The following CTNNA3 variants were observed in gnomAD, a reference collection of about 807,000 sequenced individuals.
CTNNA3 encodes catenin alpha-3.
Under a neutral mutation model 95.7 loss-of-function variants are expected in CTNNA3, and 76 were observed. The ratio of observed to expected loss-of-function variants is 0.79; its 90% confidence interval spans 0.66 to 0.96. CTNNA3 has a LOEUF of 0.96. Among genes scored for constraint, CTNNA3 ranks in the 40% least tolerant of loss-of-function variants. The pLI, the probability that CTNNA3 is intolerant of heterozygous loss-of-function variation, is 0.00. For synonymous variants in CTNNA3, 431 were observed against 374.4 expected (o/e 1.15, Z -1.74); for missense variants, 1,191 against 1,089.8 (o/e 1.09, Z -1.31).
At chr10:66,716,050 C>T (rs1848438920) in intron 9 of CTNNA3, among the ~76,000 whole-genome samples, 1 of 152,052 alleles carries the variant, frequency 6.6e-6, no homozygotes, top group Non-Finnish European at 1.5e-5. Flanking sequence ...AATTTTGTCT[C>T]ATTTAACATT....
rs1290522661 is a variant in CTNNA3 at position 66,620,610 on chromosome 10, ACTT to A, written c.1374+1079_1374+1081del. Among the ~76,000 whole-genome samples the A allele has an allele frequency of 2.0e-5, 3 of 152,244 alleles. No individual in the cohort carries two copies. The East Asian group carries it at 5.8e-4, about 29-fold the overall frequency. On this transcript the variant is annotated intron_variant, in intron 10 of 17. Coordinates refer to ENST00000433211, the MANE Select transcript of CTNNA3 (RefSeq NM_013266.4). ...TGATGGGAGTATATTTCATTCAACTACTTTAGAGACCTCATTGCAGTATTCTGT... is the reference window on the plus strand; with the variant it reads ...TGATGGGAGTATATTTCATTCAACTATAGAGACCTCATTGCAGTATTCTGT...
At chr10:67,599,510 G>C (rs1050017091) in intron 3 of CTNNA3, among the ~76,000 whole-genome samples, 22 of 152,008 alleles carry the variant, frequency 1.4e-4, no homozygotes, top group Non-Finnish European at 5.9e-5. Context: ...TGGATGAATA[G>C]ATAGGACATT....
Position 66,687,972 on chromosome 10 carries a change from GAAGA to G in CTNNA3, c.1282-66192_1282-66189del, listed in dbSNP as rs1350934765. On this transcript the variant is annotated intron_variant, in intron 9 of 17. Transcript: ENST00000433211. Reference sequence around the variant, plus strand: ...GATTTTAGATTTGCTGAGCTTGGAAGAAGAAAGGAAGAGAGATTGTGTCAAACAC... The same window carrying G: ...GATTTTAGATTTGCTGAGCTTGGAAGAAGGAAGAGAGATTGTGTCAAACAC... Among the ~76,000 whole-genome samples, 15 of 152,116 alleles carry G rather than the reference GAAGA, an allele frequency of 9.9e-5. 1 individual carries two copies. Among genetic ancestry groups the G allele is most frequent in the Non-Finnish European group, 2.1e-4 (14 of 68,022 alleles).
chr10:67,639,600 A>T (rs1428343249), intron 2 of CTNNA3, among the ~76,000 whole-genome samples: 3 of 151,926 alleles, frequency 2.0e-5, no homozygotes, highest in Non-Finnish European at 2.9e-5. Context: ...CGATGCAAAA[A>T]TCCTCAATAA....
At chr10:67,726,349 G>C (rs1212285177) in intron 1 of CTNNA3, among the ~76,000 whole-genome samples, 3 of 41,152 alleles carry the variant, frequency 7.3e-5, no homozygotes, top group Non-Finnish European at 1.1e-4. Flanking sequence ...TATAATATAT[G>C]ATATATATGA....
Position 66,742,951 on chromosome 10 carries a change from C to T in CTNNA3, c.1281+23313G>A, listed in dbSNP as rs1849376633. 2.0e-5 allele frequency among the ~76,000 whole-genome samples: 3 copies of T among 152,238 alleles called. No homozygotes were observed. In the East Asian group the frequency reaches 5.8e-4, roughly 29 times the overall value. ...CATCATTTCCTCTGCCCCTGGTTTT[C>T]TACCGTTTATACATGATTTTTTTTG... On this transcript the variant is annotated intron_variant, in intron 9 of 17. Coordinates refer to ENST00000433211, the MANE Select transcript of CTNNA3 (RefSeq NM_013266.4).
chr10:66,684,747 A>T (rs1455821380), intron 9 of CTNNA3, among the ~76,000 whole-genome samples: 1 of 152,092 alleles, frequency 6.6e-6, no homozygotes, highest in Non-Finnish European at 1.5e-5. Context: ...CATTTCTTGG[A>T]AGTCCAAGAT....
intron 7 of CTNNA3, among the ~76,000 whole-genome samples, chr10:67,044,846 T>TTTA (rs1854628175): frequency 1.3e-5 from 2 of 152,196 alleles, no homozygotes; most frequent in Non-Finnish European, 2.9e-5. Flanking sequence ...TAACCTCAGC[T>TTTA]CTGCCACTTT....
At chr10:66,431,804 C>G (rs923094936) in intron 11 of CTNNA3, among the ~76,000 whole-genome samples, 7 of 151,196 alleles carry the variant, frequency 4.6e-5, no homozygotes, top group African/African-American at 1.7e-4. Context: ...GTTAAATGAC[C>G]AGTTAATGGG....
At chr10:67,213,477 T>A (rs1375170177) in intron 6 of CTNNA3, among the ~76,000 whole-genome samples, 1 of 151,752 alleles carries the variant, frequency 6.6e-6, no homozygotes. Context: ...TTATTAATTT[T>A]TTCCTTCTGG....
intron 17 of CTNNA3, among the ~76,000 whole-genome samples, chr10:65,921,883 G>A (rs2077092216): frequency 6.6e-6 from 1 of 152,166 alleles, no homozygotes; most frequent in Non-Finnish European, 1.5e-5. Context: ...AAAGACAAAT[G>A]TCAAGAGTTT....
chr10:66,409,743 T>C (rs2093087885), intron 11 of CTNNA3, among the ~76,000 whole-genome samples: 1 of 152,178 alleles, frequency 6.6e-6, no homozygotes, highest in Non-Finnish European at 1.5e-5. Flanking sequence ...CGATAATATT[T>C]TTATAGTTTT....
intron 1 of CTNNA3, among the ~76,000 whole-genome samples, chr10:67,733,914 C>G (rs1359499116): frequency 2.6e-5 from 4 of 152,112 alleles, no homozygotes; most frequent in African/African-American, 9.7e-5. Context: ...TTATAGTTTC[C>G]CTTTCCATGA....
At chr10:66,472,012 T>C (rs971115630) in intron 11 of CTNNA3, among the ~76,000 whole-genome samples, 4 of 152,036 alleles carry the variant, frequency 2.6e-5, no homozygotes, top group South Asian at 4.1e-4. Flanking sequence ...ATTTGCTATT[T>C]AGTTCATTAT....
intron 12 of CTNNA3, among the ~76,000 whole-genome samples, chr10:66,314,986 C>T (rs914988106): frequency 2.6e-5 from 4 of 152,000 alleles, no homozygotes; most frequent in African/African-American, 7.2e-5. Context: ...TGGTGGGTTA[C>T]TTTTTCACTT....
intron 7 of CTNNA3, among the ~76,000 whole-genome samples, chr10:66,974,563 C>T (rs1193544654): frequency 6.6e-6 from 1 of 152,100 alleles, no homozygotes; most frequent in Non-Finnish European, 1.5e-5. Flanking sequence ...GAATGCTTAC[C>T]TTTTTAAAGA....
At chr10:66,824,626 T>C (rs1842428810) in intron 7 of CTNNA3, among the ~76,000 whole-genome samples, 1 of 152,192 alleles carries the variant, frequency 6.6e-6, no homozygotes, top group Admixed American at 6.5e-5. Context: ...CCTTTTCTTT[T>C]AAATTGTGGA....
intron 13 of CTNNA3, among the ~76,000 whole-genome samples, chr10:66,204,604 C>T (rs2087640461): frequency 6.6e-6 from 1 of 152,184 alleles, no homozygotes; most frequent in South Asian, 2.1e-4. Context: ...CTCCTGGCAC[C>T]TATAAATGAC....
intron 7 of CTNNA3, among the ~76,000 whole-genome samples, chr10:67,057,503 G>T (rs899839400): frequency 6.6e-6 from 1 of 152,082 alleles, no homozygotes; most frequent in Middle Eastern, 3.2e-3. Flanking sequence ...ACATATAAGT[G>T]GGACCATGCA....
Sources: gnomAD v4.1 joint callset for allele counts (sites outside exome capture counted in the v4.1 genomes callset) on GRCh38, gnomAD v4.1.1 for gene constraint, MANE v1.5 for transcripts, NCBI Gene and HGNC (gene_info 2026-07-23, HGNC 2026-07-21) for gene names.